Variants in XKR9 observed in about 807,000 individuals in gnomAD.
XKR9 encodes XK related 9, also known as XK-related protein 9.
XKR9 carries 32 observed loss-of-function variants against 32.0 expected under a neutral mutation model. The ratio of observed to expected loss-of-function variants is 1.00; its 90% CI spans 0.76 to 1.34. XKR9 has a LOEUF of 1.34. Among genes scored for constraint, XKR9 ranks in the 40% most tolerant of loss-of-function variants. The pLI is 0.00. For missense variants in XKR9, 546 were observed against 429.7 expected, an observed-to-expected ratio of 1.27 and a Z score of -2.39; for synonymous variants, 168 against 143.4, an observed-to-expected ratio of 1.17 and a Z score of -1.22.
At chr8:70,931,034 A>G in the XKR9 span, among the ~76,000 whole-genome samples, 1 of 152,144 alleles carries the variant, frequency 6.6e-6, no homozygotes, top group African/African-American at 2.4e-5. Flanking sequence ...TACTCTTGGT[A>G]GTAGACTTCG....
the XKR9 span, among the ~76,000 whole-genome samples, chr8:70,968,733 C>T: frequency 3.3e-3 from 496 of 152,274 alleles, 2 homozygotes; most frequent in Non-Finnish European, 5.2e-3. Flanking sequence ...CCACTCCAGA[C>T]CTCATTTGCC....
At chr8:70,681,542 A>T (rs752145523) in intron 3 of XKR9, among the ~76,000 whole-genome samples, 3 of 152,044 alleles carry the variant, frequency 2.0e-5, no homozygotes, top group Non-Finnish European at 4.4e-5. Flanking sequence ...AATTTATCTA[A>T]TTAGGTTTTT....
chr8:70,726,066 A>G (rs1806459195), intron 4 of XKR9, among the ~76,000 whole-genome samples: 1 of 152,170 alleles, frequency 6.6e-6, no homozygotes, highest in Non-Finnish European at 1.5e-5. Context: ...AGGCACTAAG[A>G]AGGACAAGGT....
At chr8:70,760,963 A>G (rs972471234) in intron 2 of XKR9, among the ~76,000 whole-genome samples, 2 of 152,080 alleles carry the variant, frequency 1.3e-5, no homozygotes, top group Non-Finnish European at 2.9e-5. Context: ...AACATGCAGT[A>G]TTTGGTTTTC....
At chr8:70,787,510 C>A (rs1462604417) in intron 2 of XKR9, among the ~76,000 whole-genome samples, 1 of 152,046 alleles carries the variant, frequency 6.6e-6, no homozygotes, top group Non-Finnish European at 1.5e-5. Flanking sequence ...AACGGGGTTG[C>A]AGTGTTTAGG....
chr8:70,835,280 T>C, the XKR9 span, among the ~76,000 whole-genome samples: 8 of 152,216 alleles, frequency 5.3e-5, no homozygotes, highest in Middle Eastern at 3.4e-3. Flanking sequence ...AATAAGACAA[T>C]TAAATATAAT....
At chr8:70,988,180 A>T in the XKR9 span, among the ~76,000 whole-genome samples, 25 of 152,284 alleles carry the variant, frequency 1.6e-4, no homozygotes, top group African/African-American at 5.8e-4. Context: ...AACATGTGGG[A>T]ATTATGGGAG....
chr8:70,696,554 G>A (rs1805284235), intron 3 of XKR9, among the ~76,000 whole-genome samples: 1 of 148,994 alleles, frequency 6.7e-6, no homozygotes, highest in South Asian at 2.2e-4. Flanking sequence ...CTCTGTTTTG[G>A]TACCAGTACC....
intron 4 of XKR9, among the ~76,000 whole-genome samples, chr8:70,719,932 A>G (rs1348501370): frequency 2.6e-5 from 4 of 152,188 alleles, no homozygotes; most frequent in African/African-American, 9.6e-5. Context: ...ATCCATGAGC[A>G]TGGAATGATT....
chr8:70,883,568 A>C, the XKR9 span, among the ~76,000 whole-genome samples: 1 of 152,210 alleles, frequency 6.6e-6, no homozygotes, highest in South Asian at 2.1e-4. Context: ...TTTCCCATAG[A>C]ACCACTGATC....
At chr8:70,741,817 A>G (rs1258602955) in intron 2 of XKR9, among the ~76,000 whole-genome samples, 3 of 152,184 alleles carry the variant, frequency 2.0e-5, no homozygotes, top group African/African-American at 7.2e-5. Flanking sequence ...TTTAAATCCT[A>G]TTCAGAAGTA....
chr8:70,697,936 T>A (rs1027781961), intron 3 of XKR9, among the ~76,000 whole-genome samples: 1 of 152,032 alleles, frequency 6.6e-6, no homozygotes, highest in Non-Finnish European at 1.5e-5. Flanking sequence ...TCGAGGAATT[T>A]ATCCATTTCT....
At chr8:71,052,241 A>T in the XKR9 span, among the ~76,000 whole-genome samples, 1 of 152,184 alleles carries the variant, frequency 6.6e-6, no homozygotes, top group African/African-American at 2.4e-5. Context: ...TTTTTTCTTA[A>T]TATGTCAGCA....
At chr8:70,740,024 G>T (rs538561893), downstream of XKR9, among the ~76,000 whole-genome samples, 13 of 152,304 alleles carry the variant, frequency 8.5e-5, no homozygotes, top group South Asian at 2.7e-3. Flanking sequence ...TGCCTTGGTA[G>T]ACTGGGGAAG....
the XKR9 span, among the ~76,000 whole-genome samples, chr8:70,941,832 A>G: frequency 1.3e-5 from 2 of 152,096 alleles, no homozygotes; most frequent in African/African-American, 4.8e-5. Flanking sequence ...CTAAGAGTCT[A>G]CCTGTTGAGC....
At chr8:70,695,758 C>T (rs1805248091) in intron 3 of XKR9, among the ~76,000 whole-genome samples, 1 of 150,024 alleles carries the variant, frequency 6.7e-6, no homozygotes, top group Admixed American at 6.7e-5. Context: ...GCCACACTGA[C>T]TTCCACAATG....
chr8:71,050,234 GAGATATATATATAT>G, the XKR9 span, among the ~76,000 whole-genome samples: 113 of 95,986 alleles, frequency 1.2e-3, 1 homozygote, highest in African/African-American at 3.9e-3. Flanking sequence ...ATGCCTGGCA[GAGATATATATATAT>G]ATATATATAT....
intron 4 of XKR9, among the ~76,000 whole-genome samples, chr8:70,719,246 C>T (rs988585129): frequency 1.3e-5 from 2 of 152,172 alleles, no homozygotes; most frequent in African/African-American, 4.8e-5. Flanking sequence ...TTCTCTCATT[C>T]TGTAGGTTGC....
the XKR9 span, among the ~76,000 whole-genome samples, chr8:70,881,115 TA>T: frequency 5.3e-5 from 8 of 152,098 alleles, no homozygotes; most frequent in African/African-American, 1.7e-4. Flanking sequence ...ATACAAAAAT[TA>T]ATTCAAGATG....
Sources: gnomAD v4.1 joint callset for allele counts (sites outside exome capture counted in the v4.1 genomes callset) on GRCh38, gnomAD v4.1.1 for gene constraint, MANE v1.5 for transcripts, NCBI Gene and HGNC (gene_info 2026-07-23, HGNC 2026-07-21) for gene names.